The following SIN3B variants were observed in gnomAD, a reference collection of about 807,000 sequenced individuals.
SIN3B encodes paired amphipathic helix protein Sin3b.
Under a neutral mutation model 120.2 loss-of-function variants are expected in SIN3B, and 19 were observed. That is an observed-to-expected ratio of 0.16 (90% CI 0.11 to 0.23). SIN3B has a LOEUF of 0.23. Ranked by LOEUF, SIN3B falls within the 10% of genes least tolerant of loss-of-function variation. SIN3B has a pLI of 1.00. For missense variants in SIN3B, 1,073 were observed against 1,573.0 expected (o/e 0.68, Z 5.38); for synonymous variants, 654 against 653.2 (o/e 1.00, Z -0.02).
intron 5 of SIN3B, among the ~76,000 whole-genome samples, chr19:16,848,040 A>G (rs1218214355): frequency 1.3e-5 from 2 of 152,156 alleles, no homozygotes; most frequent in African/African-American, 2.4e-5. Context: ...CTCACTCAGC[A>G]TCATGTTTTC....
intron 4 of SIN3B, among the ~76,000 whole-genome samples, chr19:16,843,407 G>C (rs117839489): frequency 0.013 from 2,054 of 152,338 alleles, 22 homozygotes; most frequent in Non-Finnish European, 0.019. Context: ...GTTGTCCACC[G>C]TGCTGGCATC....
At chr19:16,853,206 G>A in intron 7 of SIN3B, 48 bp downstream of exon 7, 1 of 1,572,510 alleles carries the variant, frequency 6.4e-7, no homozygotes, top group African/African-American at 1.3e-5. Context: ...TGTCCAGCTG[G>A]CTGGGCCAAT....
chr19:16,877,538 T>A lies in SIN3B; in HGVS notation c.2860-7T>A. ...GCATCACGGGCTGTGTCTCTCCCTG[T>A]CCCCAGCACCTGGCTCGGTACGTGG... On this transcript the variant is annotated splice_polypyrimidine_tract_variant and splice_region_variant and intron_variant, in intron 16 of 18. Coordinates refer to ENST00000248054, the MANE Select transcript of SIN3B (RefSeq NM_001297595.2). 6.3e-7 allele frequency: 1 copy of A among 1,599,394 alleles called. No homozygotes were observed. Among genetic ancestry groups the A allele is most frequent in the South Asian group, 1.1e-5 (1 of 88,318 alleles).
At chr19:16,866,635 C>T (rs2144616051) in intron 12 of SIN3B, 79 bp downstream of exon 12, 2 of 1,423,722 alleles carry the variant, frequency 1.4e-6, no homozygotes, top group Non-Finnish European at 2.0e-6. Context: ...GCCTCTGTTT[C>T]CCTGGTGGTT....
At position 16,869,491 on chromosome 19, in the gene SIN3B, C is replaced by T. The variant is rs767339010; in HGVS notation, c.1838C>T (p.Ala613Val). The T allele has an allele frequency of 4.3e-6, 7 of 1,611,870 alleles. No homozygotes were observed. The highest frequency in any genetic ancestry group is 1.3e-5 in the African/African-American group (1 of 75,030). The change falls in exon 13 of 19, where the codon GCC becomes GTC. Residue 613 changes from alanine (A) to valine (V), a missense_variant. Transcript: ENST00000248054. ...HQEQHSEGRS[A>V]PSSEPHLIFV... ...GAGCAGCACTCGGAGGGCCGCAGTG[C>T]CCCCTCTAGCGAGCCGCACCTCATC...
Position 16,878,181 on chromosome 19 carries a change from A to G in SIN3B, c.2955-2A>G, listed in dbSNP as rs1345199775. 6.4e-7 allele frequency: 1 copy of G among 1,563,560 alleles called. No homozygotes were observed. The highest frequency in any genetic ancestry group is 8.7e-7 in the Non-Finnish European group (1 of 1,151,856). ...GTCCATTCCACCTCCTTTCGCCCCC[A>G]GGAACCTCAAGAAGTTCCGCCGCCG... On this transcript the variant is annotated splice_acceptor_variant, in intron 17 of 18. Transcript: ENST00000248054. LOFTEE classifies it high-confidence loss of function.
Position 16,846,989 on chromosome 19 carries a change from G to C in SIN3B, c.602G>C (p.Arg201Thr). The C allele has an allele frequency of 6.2e-7, 1 of 1,614,106 alleles. No homozygotes were observed. Among genetic ancestry groups the C allele is most frequent in the Non-Finnish European group, 8.5e-7 (1 of 1,179,950 alleles). The change falls in exon 5 of 19, where the codon AGG (arginine) becomes ACG (threonine). Residue 201 changes from arginine to threonine, a missense_variant. By Grantham distance (71) the Arg-to-Thr change is moderately conservative (BLOSUM62 -1). Coordinates refer to ENST00000248054, the MANE Select transcript of SIN3B (RefSeq NM_001297595.2). ...HTYQKEQLNTRGRPFRGMSEE... is the reference protein window; with the variant it reads ...HTYQKEQLNTTGRPFRGMSEE... ...TGGCAGAAGGAGCAGCTGAACACGA[G>C]GGGCCGGCCATTCCGAGGCATGTCT...
intron 8 of SIN3B, among the ~76,000 whole-genome samples, chr19:16,861,087 A>C (rs1351890183): frequency 6.6e-6 from 1 of 152,092 alleles, no homozygotes; most frequent in Non-Finnish European, 1.5e-5. Context: ...TTGTAGGGTC[A>C]TTTGCATTAA....
intron 1 of SIN3B, 101 bp from the exon 2 acceptor site, chr19:16,829,690 C>A: frequency 1.6e-6 from 2 of 1,289,200 alleles, no homozygotes; most frequent in South Asian, 1.3e-5. Flanking sequence ...CTCACCTCGG[C>A]CCTCCGAAAG....
chr19:16,875,859 G>C, intron 14 of SIN3B, 196 bp from the exon 15 acceptor site: 1 of 597,728 alleles, frequency 1.7e-6, no homozygotes, highest in Non-Finnish European at 2.8e-6. Flanking sequence ...GGTCTGTTTG[G>C]TCTGGTCTGG....
chr19:16,856,142 T>TC (rs1971611656), intron 8 of SIN3B, among the ~76,000 whole-genome samples: 1 of 152,248 alleles, frequency 6.6e-6, no homozygotes, highest in East Asian at 1.9e-4. Flanking sequence ...GCTTCTAACC[T>TC]CTGGTGGCCA....
rs754458585 is a variant in SIN3B, at chr19:16,880,268, C to T, written c.*1541C>T. The T allele has an allele frequency of 6.6e-6, 1 of 152,054 alleles. No homozygotes were observed. The highest frequency in any genetic ancestry group is 1.5e-5 in the Non-Finnish European group (1 of 68,024). 9.4% of individuals were successfully genotyped at this position (152,054 alleles called of 1,614,324 possible). A position where few individuals can be genotyped will look rare whatever the true frequency, so the allele number is the denominator to read the frequency against. On this transcript the variant is annotated 3_prime_UTR_variant, in exon 19 of 19. Transcript: ENST00000248054. ...TTCTTGAGGAATTTCTGTTCTGGGG[C>T]TTGTCCTTCCTTTGCAGCTGTTTTG...
chr19:16,858,428 G>C (rs1971644346), intron 8 of SIN3B, among the ~76,000 whole-genome samples: 1 of 152,202 alleles, frequency 6.6e-6, no homozygotes, highest in South Asian at 2.1e-4. Flanking sequence ...CCCTAGTCAC[G>C]GCCTCAGAGT....
At chr19:16,859,065 C>T (rs1012880885) in intron 8 of SIN3B, among the ~76,000 whole-genome samples, 4 of 152,146 alleles carry the variant, frequency 2.6e-5, no homozygotes, top group South Asian at 2.1e-4. Context: ...GTGGCTGGAT[C>T]GCTTGAGTTT....
chr19:16,866,362 T>TC lies in SIN3B; in HGVS notation c.1623-5dup, dbSNP rs557750421. On this transcript the variant is annotated splice_polypyrimidine_tract_variant and intron_variant, in intron 11 of 18. Transcript: ENST00000248054. The stretch of plus-strand genomic sequence containing the variant: ...GCTTGTCCCTGGTGCTGACCTCTCT[T>TC]CCCCCCGCAGACTGAAGGCCAAGGA... 1.1e-4 allele frequency: 174 copies of TC among 1,607,178 alleles called. No individual in the cohort carries two copies. In the African/African-American group the frequency reaches 2.0e-3, roughly 18 times the overall value.
chr19:16,876,079 G>A lies in SIN3B; in HGVS notation c.2617G>A (p.Val873Ile), dbSNP rs143316883. The A allele has an allele frequency of 1.9e-5, 30 of 1,577,070 alleles. No individual in the cohort carries two copies. Among genetic ancestry groups the A allele is most frequent in the Non-Finnish European group, 2.6e-5 (30 of 1,162,270 alleles). ...GCTGCACCACCTCGTGAGCGATGAC[G>A]TCTGCCTGAAGGTGGTGGAGCTCTA... ...RQLHHLVSDD[V>I]CLKVVELYLN... The change falls in exon 15 of 19, where the codon GTC (valine) becomes ATC (isoleucine). Residue 873 changes from valine to isoleucine, a missense_variant. Val to Ile is a conservative substitution (Grantham distance 29). This residue lies in a region of SIN3B where 311 missense variants were observed against 400.3 expected (regional missense o/e 0.78). Coordinates refer to ENST00000248054, the MANE Select transcript of SIN3B (RefSeq NM_001297595.2). This position sits in a 1 kb window ranked among gnomAD's most constrained non-coding sequence, Gnocchi z 7.1.
At chr19:16,840,211 AC>A (rs1971399698) in intron 3 of SIN3B, among the ~76,000 whole-genome samples, 2 of 152,070 alleles carry the variant, frequency 1.3e-5, no homozygotes, top group Non-Finnish European at 2.9e-5. Flanking sequence ...TCAGAACGTG[AC>A]TGTATTTGGA....
intron 4 of SIN3B, among the ~76,000 whole-genome samples, chr19:16,843,185 C>T (rs1049629118): frequency 2.0e-5 from 3 of 152,280 alleles, no homozygotes; most frequent in Admixed American, 1.3e-4. Flanking sequence ...GCAACCTCAG[C>T]CTCCCGGCTT....
intron 12 of SIN3B, among the ~76,000 whole-genome samples, chr19:16,868,965 C>T (rs1260213579): frequency 6.6e-6 from 1 of 152,156 alleles, no homozygotes; most frequent in African/African-American, 2.4e-5. Context: ...GCAGAGAGGT[C>T]ACGGCTCACC....
Sources: gnomAD v4.1 joint callset for allele counts (sites outside exome capture counted in the v4.1 genomes callset) on GRCh38, gnomAD v4.1.1 for gene constraint, gnomAD v4.1.1 regional missense constraint, Gnocchi (gnomAD v3.1) non-coding constraint, MANE v1.5 for transcripts, NCBI Gene and HGNC (gene_info 2026-07-23, HGNC 2026-07-21) for gene names.